Variants in SLCO3A1 observed in about 807,000 individuals in gnomAD.
SLCO3A1 encodes solute carrier organic anion transporter family member 3A1, also known as PGE1 transporter.
SLCO3A1 carries 27 observed loss-of-function variants against 63.1 expected under a neutral mutation model. That is an observed-to-expected ratio of 0.43 (90% confidence interval 0.32 to 0.59). SLCO3A1 has a LOEUF of 0.59. Ranked by LOEUF, SLCO3A1 falls within the 20% of genes least tolerant of loss-of-function variation. The pLI, the probability that SLCO3A1 is intolerant of heterozygous loss-of-function variation, is 0.09. For synonymous variants in SLCO3A1, 473 were observed against 409.9 expected, an observed-to-expected ratio of 1.15 and a Z score of -1.86; for missense variants, 773 against 945.8, an observed-to-expected ratio of 0.82 and a Z score of 2.40.
At chr15:92,034,320 A>G (rs1430586989) in intron 2 of SLCO3A1, among the ~76,000 whole-genome samples, 2 of 150,966 alleles carry the variant, frequency 1.3e-5, no homozygotes, top group African/African-American at 2.4e-5. Context: ...GAGGCTGCCA[A>G]TGGATGGGGA....
chr15:91,926,350 GC>G (rs1007017988), intron 2 of SLCO3A1, among the ~76,000 whole-genome samples: 6 of 152,186 alleles, frequency 3.9e-5, no homozygotes, highest in African/African-American at 1.4e-4. Context: ...GCGTATGTGG[GC>G]AGGAGCATGT....
intron 9 of SLCO3A1, among the ~76,000 whole-genome samples, chr15:92,159,721 G>T (rs1363413982): frequency 1.3e-5 from 2 of 151,878 alleles, no homozygotes; most frequent in Non-Finnish European, 2.9e-5. Flanking sequence ...TTGTTTAGAG[G>T]TTTTGTCATC....
At chr15:91,932,993 C>T (rs772551779) in intron 2 of SLCO3A1, among the ~76,000 whole-genome samples, 1 of 152,114 alleles carries the variant, frequency 6.6e-6, no homozygotes, top group Non-Finnish European at 1.5e-5. Flanking sequence ...TTGATTGCTT[C>T]TACTAAGAGA....
rs1393468442 is a variant in SLCO3A1, at chr15:91,872,863, C to G, written c.180+18775C>G. Among the ~76,000 whole-genome samples, 1 of 152,170 alleles carries G rather than the reference C, an allele frequency of 6.6e-6. No individual in the cohort carries two copies. The highest frequency in any genetic ancestry group is 1.5e-5 in the Non-Finnish European group (1 of 68,028). ...ATCTGTTCTCTGTTCCCTTCCTCCC[C>G]TTTAGGGCATGGTGGCGTCTGTAAG... is the stretch of plus-strand genomic sequence containing the variant. On this transcript the variant is annotated intron_variant, in intron 1 of 9. Coordinates refer to ENST00000318445, the MANE Select transcript of SLCO3A1 (RefSeq NM_013272.4). The surrounding 1 kb of genome is among the most constrained non-coding windows in gnomAD (Gnocchi z 4.1).
At chr15:91,960,727 G>A (rs557391013) in intron 2 of SLCO3A1, among the ~76,000 whole-genome samples, 9 of 152,230 alleles carry the variant, frequency 5.9e-5, no homozygotes, top group East Asian at 3.9e-4. Context: ...CCTACAGGTT[G>A]TCTCTTATCC....
intron 2 of SLCO3A1, among the ~76,000 whole-genome samples, chr15:91,965,177 A>G (rs16946168): frequency 0.41 from 62,621 of 151,906 alleles, 13,023 homozygotes; most frequent in African/African-American, 0.44. Flanking sequence ...AGAGAACAGG[A>G]GAATTGGAGA....
At position 91,954,054 on chromosome 15, in the gene SLCO3A1, G is replaced by C. The variant is rs746844225; in HGVS notation, c.646+37596G>C. On this transcript the variant is annotated intron_variant, in intron 2 of 9. Transcript: ENST00000318445. This position sits in a 1 kb window ranked among gnomAD's most constrained non-coding sequence, Gnocchi z 4.7. ...AAATTAAAACTGAGGATACACAGGT[G>C]TGTGTTCTGTTAGCCATGGGCGATG... is the stretch of plus-strand genomic sequence containing the variant. Among the ~76,000 whole-genome samples, 11 of 152,194 alleles carry C rather than the reference G, an allele frequency of 7.2e-5. No individual in the cohort carries two copies. Among genetic ancestry groups the C allele is most frequent in the Admixed American group, 2.6e-4 (4 of 15,286 alleles).
chr15:92,167,599 G>A (rs994178674), downstream of SLCO3A1, among the ~76,000 whole-genome samples: 1 of 152,088 alleles, frequency 6.6e-6, no homozygotes, highest in African/African-American at 2.4e-5. Context: ...TGGACCCCAC[G>A]CCCCTAGTGT....
At chr15:91,998,895 C>T (rs2046221917) in intron 2 of SLCO3A1, among the ~76,000 whole-genome samples, 1 of 152,196 alleles carries the variant, frequency 6.6e-6, no homozygotes, top group Non-Finnish European at 1.5e-5. Flanking sequence ...AGCCTAGGTG[C>T]CCATCAGCAG....
intron 1 of SLCO3A1, among the ~76,000 whole-genome samples, chr15:91,861,267 AG>A (rs1897040558): frequency 3.3e-5 from 5 of 152,176 alleles, no homozygotes; most frequent in African/African-American, 7.2e-5. Context: ...TGAGCAAGCC[AG>A]GGGAGCCTTC....
At chr15:91,974,589 C>T (rs973036550) in intron 2 of SLCO3A1, among the ~76,000 whole-genome samples, 1 of 151,678 alleles carries the variant, frequency 6.6e-6, no homozygotes, top group South Asian at 2.1e-4. Flanking sequence ...GCAGGGTAGG[C>T]GTGTGCTGTG....
At chr15:91,868,489 C>G (rs1597072327) in intron 1 of SLCO3A1, among the ~76,000 whole-genome samples, 1 of 151,582 alleles carries the variant, frequency 6.6e-6, no homozygotes, top group Admixed American at 6.6e-5. Flanking sequence ...TTCAGAGAAC[C>G]TGGAGATAAA....
intron 2 of SLCO3A1, among the ~76,000 whole-genome samples, chr15:91,981,153 A>G (rs1331104789): frequency 6.6e-6 from 1 of 152,140 alleles, no homozygotes. Flanking sequence ...GGCAGTGGCC[A>G]GGCTGGGGTG....
At chr15:92,022,310 A>G (rs968495624) in intron 2 of SLCO3A1, among the ~76,000 whole-genome samples, 2 of 152,244 alleles carry the variant, frequency 1.3e-5, no homozygotes, top group Non-Finnish European at 2.9e-5. Context: ...GAACAAAAAC[A>G]GACATTTTAA....
intron 9 of SLCO3A1, among the ~76,000 whole-genome samples, chr15:92,156,520 G>C (rs554953954): frequency 6.6e-6 from 1 of 152,336 alleles, no homozygotes; most frequent in East Asian, 1.9e-4. Flanking sequence ...AGCTCTCTGG[G>C]CCTTACCAAC....
At chr15:91,959,272 G>C (rs1428651103) in intron 2 of SLCO3A1, among the ~76,000 whole-genome samples, 1 of 152,048 alleles carries the variant, frequency 6.6e-6, no homozygotes, top group Non-Finnish European at 1.5e-5. Flanking sequence ...GGGGACTTGG[G>C]GGTTGGGGAG....
At position 91,966,065 on chromosome 15, in the gene SLCO3A1, G is replaced by A. The variant is rs1246116795; in HGVS notation, c.646+49607G>A. Among the ~76,000 whole-genome samples the A allele has an allele frequency of 5.9e-5, 9 of 152,180 alleles. No homozygotes were observed. In the South Asian group the frequency reaches 6.2e-4, roughly 11 times the overall value. Reference sequence around the variant, plus strand: ...GTCATCCAGAAGGCATCAGAGCCTCGTCATTTTGGCAGCCGCAGGGCATTT... The same window carrying A: ...GTCATCCAGAAGGCATCAGAGCCTCATCATTTTGGCAGCCGCAGGGCATTT... On this transcript the variant is annotated intron_variant, in intron 2 of 9. Transcript: ENST00000318445.
chr15:92,036,579 AT>A (rs959499153), intron 2 of SLCO3A1, among the ~76,000 whole-genome samples: 6 of 151,712 alleles, frequency 4.0e-5, no homozygotes, highest in African/African-American at 9.7e-5. Flanking sequence ...AAGCCACAGT[AT>A]TTTTTTTATC....
intron 1 of SLCO3A1, among the ~76,000 whole-genome samples, chr15:91,890,730 T>G (rs1268987839): frequency 2.0e-5 from 3 of 152,170 alleles, no homozygotes; most frequent in African/African-American, 7.2e-5. Context: ...CTCTGGTTAT[T>G]TTCCCCAGAG....
Sources: gnomAD v4.1 joint callset for allele counts (sites outside exome capture counted in the v4.1 genomes callset) on GRCh38, gnomAD v4.1.1 for gene constraint, Gnocchi (gnomAD v3.1) non-coding constraint, MANE v1.5 for transcripts, NCBI Gene and HGNC (gene_info 2026-07-23, HGNC 2026-07-21) for gene names.